FAM228B: variants seen among roughly 807,000 people sequenced by gnomAD.
FAM228B encodes protein FAM228B.
In FAM228B, 38 loss-of-function variants were observed where a neutral mutation model predicts 42.6. The ratio of observed to expected loss-of-function variants is 0.89; its 90% CI spans 0.69 to 1.17. The LOEUF (loss-of-function observed/expected upper bound fraction) is 1.17, where lower values mean the gene tolerates loss of function less well. Among genes scored for constraint, FAM228B ranks in the 50% most tolerant of loss-of-function variants. The pLI is 0.00. For missense variants in FAM228B, 344 were observed against 367.3 expected (o/e 0.94, Z 0.52); for synonymous variants, 109 against 122.3 (o/e 0.89, Z 0.72).
intron 3 of FAM228B, among the ~76,000 whole-genome samples, chr2:24,105,489 G>A (rs1469310074): frequency 1.3e-5 from 2 of 152,188 alleles, no homozygotes; most frequent in African/African-American, 4.8e-5. Context: ...AAAGATTGAA[G>A]GAACATCAGC....
chr2:24,117,313 C>T (rs1665952276), intron 3 of FAM228B, among the ~76,000 whole-genome samples: 1 of 151,816 alleles, frequency 6.6e-6, no homozygotes, highest in Non-Finnish European at 1.5e-5. Flanking sequence ...ACTGCACAAA[C>T]CTGATTAATT....
chr2:24,152,478 T>A lies in FAM228B; in HGVS notation c.686+5392T>A, dbSNP rs532771963. On this transcript the variant is annotated intron_variant, in intron 7 of 10. Transcript: ENST00000615575. ...CCTTCTTGGGAAGGCTTTCCAGGTG[T>A]TTGAAGGGATTTGGGCCCCAAGCCC... Among the ~76,000 whole-genome samples the A allele has an allele frequency of 9.2e-5, 14 of 152,318 alleles. No individual in the cohort carries two copies. The South Asian group carries it at 2.5e-3, about 27-fold the overall frequency.
At chr2:24,091,914 C>T (rs546104248) in intron 2 of FAM228B, among the ~76,000 whole-genome samples, 1 of 152,080 alleles carries the variant, frequency 6.6e-6, no homozygotes, top group South Asian at 2.1e-4. Context: ...ACAAATCCCC[C>T]CAAATGACCA....
chr2:24,129,220 G>A (rs1345315626), intron 2 of FAM228B, among the ~76,000 whole-genome samples: 1 of 151,668 alleles, frequency 6.6e-6, no homozygotes. Context: ...AGACAGTTGG[G>A]CTGTTTGTTT....
intron 3 of FAM228B, among the ~76,000 whole-genome samples, chr2:24,100,752 C>A (rs994699747): frequency 2.0e-5 from 3 of 152,204 alleles, no homozygotes; most frequent in Non-Finnish European, 4.4e-5. Flanking sequence ...ACCCAGCAAT[C>A]CCATTACTGG....
At chr2:24,144,563 A>G (rs1211759112) in intron 5 of FAM228B, among the ~76,000 whole-genome samples, 1 of 152,200 alleles carries the variant, frequency 6.6e-6, no homozygotes, top group Non-Finnish European at 1.5e-5. Context: ...TGACAAGGAA[A>G]CATCTAAGGT....
chr2:24,131,022 T>C (rs1558384195), intron 2 of FAM228B, among the ~76,000 whole-genome samples: 1 of 152,256 alleles, frequency 6.6e-6, no homozygotes, highest in Non-Finnish European at 1.5e-5. Flanking sequence ...GCTAGCCAGT[T>C]TTCCCAGCAC....
chr2:24,135,468 AG>A (rs1447605075), intron 3 of FAM228B, among the ~76,000 whole-genome samples: 1 of 152,166 alleles, frequency 6.6e-6, no homozygotes, highest in Non-Finnish European at 1.5e-5. Context: ...ACTATAAATG[AG>A]CTAACCCTTA....
chr2:24,125,449 T>C (rs1558381991), intron 2 of FAM228B, among the ~76,000 whole-genome samples: 1 of 152,198 alleles, frequency 6.6e-6, no homozygotes, highest in Non-Finnish European at 1.5e-5. Flanking sequence ...ACAATCAAGA[T>C]GGTGGACATA....
At chr2:24,157,758 TC>T (rs11306779) in intron 7 of FAM228B, among the ~76,000 whole-genome samples, 125,445 of 151,222 alleles carry the variant, frequency 0.83, 53,872 homozygotes, top group Non-Finnish European at 0.93. Context: ...AAAATTAATA[TC>T]CCAAGCCATA....
At position 24,077,841 on chromosome 2, in the gene FAM228B, C is replaced by G; in HGVS notation, c.-290+872C>G. 6.8e-7 allele frequency: 1 copy of G among 1,478,254 alleles called. No homozygotes were observed. The highest frequency in any genetic ancestry group is 9.1e-7 in the Non-Finnish European group (1 of 1,093,646). The allele number at this position is 1,478,254 out of a possible 1,614,324, so 91.6% of individuals were successfully genotyped here. A position where few individuals can be genotyped will look rare whatever the true frequency, so the allele number is the denominator to read the frequency against. ...CCTCATCCTCCTCAGCCTTCTTGCTCTCTCTGAAGCCACGTATCTGAAAAA... is the reference window on the plus strand; with the variant it reads ...CCTCATCCTCCTCAGCCTTCTTGCTGTCTCTGAAGCCACGTATCTGAAAAA... On this transcript the variant is annotated intron_variant, in intron 1 of 10. Transcript: ENST00000613899. This position sits in a 1 kb window ranked among gnomAD's most constrained non-coding sequence, Gnocchi z 5.5.
chr2:24,121,973 G>A (rs907301716), upstream of FAM228B, among the ~76,000 whole-genome samples: 1 of 152,138 alleles, frequency 6.6e-6, no homozygotes, highest in South Asian at 2.1e-4. Context: ...TATATCAACA[G>A]TAAAAAGACT....
intron 3 of FAM228B, among the ~76,000 whole-genome samples, chr2:24,109,771 A>T (rs1243087627): frequency 6.6e-6 from 1 of 152,242 alleles, no homozygotes; most frequent in Non-Finnish European, 1.5e-5. Flanking sequence ...ATTATTAAAA[A>T]GTCAAAAAAT....
intron 3 of FAM228B, among the ~76,000 whole-genome samples, chr2:24,103,597 C>T (rs1665648564): frequency 6.6e-6 from 1 of 152,148 alleles, no homozygotes; most frequent in Non-Finnish European, 1.5e-5. Flanking sequence ...GAGGAGGCTC[C>T]AGACAGTTAT....
intron 7 of FAM228B, among the ~76,000 whole-genome samples, chr2:24,147,676 A>C (rs1227540866): frequency 6.6e-6 from 1 of 151,664 alleles, no homozygotes; most frequent in Non-Finnish European, 1.5e-5. Flanking sequence ...CATCAAAGGA[A>C]CTCTTCATCT....
intron 2 of FAM228B, chr2:24,087,443 T>C (rs1480238010): frequency 2.0e-5 from 3 of 152,142 alleles, no homozygotes. Flanking sequence ...GAATTTCGTA[T>C]GTGATAGAAG....
chr2:24,160,454 T>C (rs1369735820), intron 7 of FAM228B, among the ~76,000 whole-genome samples: 1 of 152,332 alleles, frequency 6.6e-6, no homozygotes, highest in South Asian at 2.1e-4. Flanking sequence ...AGATTAGATA[T>C]ATATATTAGG....
chr2:24,150,083 G>T (rs13412857), intron 7 of FAM228B, among the ~76,000 whole-genome samples: 13,377 of 151,418 alleles, frequency 0.088, 673 homozygotes, highest in South Asian at 0.13. Context: ...AATTATTTTT[G>T]ATTGGTTCAT....
rs1308458331 is a variant in FAM228B at position 24,084,485 on chromosome 2, C to T, written c.-210+3530C>T. 5.1e-6 allele frequency: 5 copies of T among 983,504 alleles called. No homozygotes were observed. In the African/African-American group the frequency reaches 5.2e-5, roughly 10 times the overall value. 60.9% of individuals were successfully genotyped at this position (983,504 alleles called of 1,614,324 possible). On this transcript the variant is annotated intron_variant, in intron 2 of 10. Coordinates refer to the FAM228B transcript ENST00000613899. The surrounding 1 kb of genome is among the most constrained non-coding windows in gnomAD (Gnocchi z 8.4). ...CACCGCAGCGCCCCCTGCCGGCCAG[C>T]GCCTCGCTGCCCTGGTCTGCCGCGG...
Sources: gnomAD v4.1 joint callset for allele counts (sites outside exome capture counted in the v4.1 genomes callset) on GRCh38, gnomAD v4.1.1 for gene constraint, Gnocchi (gnomAD v3.1) non-coding constraint, MANE v1.5 for transcripts, NCBI Gene and HGNC (gene_info 2026-07-23, HGNC 2026-07-21) for gene names.